EIF5: variants seen among roughly 807,000 people sequenced by gnomAD.
EIF5 encodes the protein eukaryotic translation initiation factor 5.
Under a neutral mutation model 48.3 loss-of-function variants are expected in EIF5, and 10 were observed. The ratio of observed to expected loss-of-function variants is 0.21; its 90% CI spans 0.13 to 0.35. The LOEUF (loss-of-function observed/expected upper bound fraction) is 0.35. EIF5 is among the 10% of genes least tolerant of loss of function. EIF5 has a pLI of 1.00. For missense variants in EIF5, 397 were observed against 533.2 expected (o/e 0.74, Z 2.51); for synonymous variants, 237 against 173.1 (o/e 1.37, Z -2.90).
rs2089364004 is a variant in EIF5, at chr14:103,342,389, CATATT to C, written c.*1340_*1344del. 2 of 152,202 alleles carry C rather than the reference CATATT, an allele frequency of 1.3e-5. No individual in the cohort carries two copies. Among genetic ancestry groups the C allele is most frequent in the African/African-American group, 2.4e-5 (1 of 41,440 alleles). The allele number at this position is 152,202 out of a possible 1,614,324, so 9.4% of individuals were successfully genotyped here. On this transcript the variant is annotated 3_prime_UTR_variant, in exon 12 of 12. Transcript: ENST00000216554. ...ATGAACTCCTTGCCTGATCTAAACT[CATATT>C]ATGGGTTCTGACTGTTTGAGTAATC...
At chr14:103,337,831 A>G (rs757719588) in intron 6 of EIF5, 58 of 509,430 alleles carry the variant, frequency 1.1e-4, no homozygotes, top group Non-Finnish European at 2.1e-4. Context: ...GGCCCCCTTC[A>G]TTAAACTTGA....
rs1285011978 is a variant in EIF5 at position 103,342,311 on chromosome 14, C to CA, written c.*1260dup. On this transcript the variant is annotated 3_prime_UTR_variant, in exon 12 of 12. Transcript: ENST00000216554. Reference sequence around the variant, plus strand: ...CTGAGTGCAGGTGACAAGGACCTGACAGAGCCCATGCAGGGCTTTAGATTT... The same window carrying CA: ...CTGAGTGCAGGTGACAAGGACCTGACAAGAGCCCATGCAGGGCTTTAGATTT... The CA allele has an allele frequency of 6.6e-6, 1 of 152,192 alleles. No individual in the cohort carries two copies. Among genetic ancestry groups the CA allele is most frequent in the East Asian group, 1.9e-4 (1 of 5,196 alleles). The allele number at this position is 152,192 out of a possible 1,614,324, so 9.4% of individuals were successfully genotyped here. A position where few individuals can be genotyped will look rare whatever the true frequency, so the allele number is the denominator to read the frequency against.
rs570153464 is a variant in EIF5, at chr14:103,344,743, CAATT to C, written c.*3694_*3697del. On this transcript the variant is annotated 3_prime_UTR_variant, in exon 12 of 12. Coordinates refer to ENST00000216554, the MANE Select transcript of EIF5 (RefSeq NM_001969.5). Reference sequence around the variant, plus strand: ...CAAGTCTTTAGGAGAGTAGAAAACACAATTAACTAAAAAGCAGGGACATCTGAAA... The same window carrying C: ...CAAGTCTTTAGGAGAGTAGAAAACACAACTAAAAAGCAGGGACATCTGAAA... The C allele has an allele frequency of 2.7e-4, 41 of 152,126 alleles. No homozygotes were observed. Among genetic ancestry groups the C allele is most frequent in the East Asian group, 5.8e-4 (3 of 5,188 alleles). The allele number at this position is 152,126 out of a possible 1,614,324, so 9.4% of individuals were successfully genotyped here. A position where few individuals can be genotyped will look rare whatever the true frequency, so the allele number is the denominator to read the frequency against.
At position 103,334,752 on chromosome 14, in the gene EIF5, C is replaced by G. The variant is rs934355132; in HGVS notation, c.-209+155C>G. 8 of 148,048 alleles carry G rather than the reference C, an allele frequency of 5.4e-5. No individual in the cohort carries two copies. In the South Asian group the frequency reaches 1.4e-3, roughly 27 times the overall value. The allele number at this position is 148,048 out of a possible 1,614,324, so 9.2% of individuals were successfully genotyped here. ...GCCCCCTCCCCGCGCGCTCCCCGGCCCGGCCTCGCCCCCTCCCCGGCATGG... is the reference window on the plus strand; with the variant it reads ...GCCCCCTCCCCGCGCGCTCCCCGGCGCGGCCTCGCCCCCTCCCCGGCATGG... On this transcript the variant is annotated intron_variant, in intron 2 of 11. Transcript: ENST00000216554.
chr14:103,344,188 CAG>C lies in EIF5; in HGVS notation c.*3139_*3140del, dbSNP rs1414471071. On this transcript the variant is annotated 3_prime_UTR_variant, in exon 12 of 12. Transcript: ENST00000216554. ...GTAGTCTCATTGTAGGTTTGTGCAC[CAG>C]AGTGACCCTGTGAGCCTTTGTTAAT... is the stretch of plus-strand genomic sequence containing the variant. The C allele has an allele frequency of 2.0e-5, 3 of 152,166 alleles. No homozygotes were observed. Among genetic ancestry groups the C allele is most frequent in the African/African-American group, 7.2e-5 (3 of 41,416 alleles). 9.4% of individuals were successfully genotyped at this position (152,166 alleles called of 1,614,324 possible).
intron 4 of EIF5, chr14:103,336,358 G>A (rs142133866): frequency 0.017 from 9,622 of 580,998 alleles, 119 homozygotes; most frequent in Non-Finnish European, 0.022. Context: ...TGAGGCAAGC[G>A]GATCGCGAGG....
chr14:103,339,631 A>G lies in EIF5; in HGVS notation c.907-8A>G. 3.7e-6 allele frequency: 6 copies of G among 1,614,100 alleles called. No homozygotes were observed. The highest frequency in any genetic ancestry group is 2.2e-5 in the South Asian group (2 of 91,082). ...AAAGATTGTTAACACCAAGGTGTCTATTTGCAGTTTTGTCACAACAACAAA... is the reference window on the plus strand; with the variant it reads ...AAAGATTGTTAACACCAAGGTGTCTGTTTGCAGTTTTGTCACAACAACAAA... On this transcript the variant is annotated splice_polypyrimidine_tract_variant and splice_region_variant and intron_variant, in intron 9 of 11. Transcript: ENST00000216554.
chr14:103,339,085 AT>A lies in EIF5; in HGVS notation c.745-86del, dbSNP rs1387433766. 8.3e-5 allele frequency: 126 copies of A among 1,510,666 alleles called. 1 individual carries two copies. The East Asian group carries it at 2.9e-3, about 34-fold the overall frequency. The allele number at this position is 1,510,666 out of a possible 1,614,324, so 93.6% of individuals were successfully genotyped here. A position where few individuals can be genotyped will look rare whatever the true frequency, so the allele number is the denominator to read the frequency against. The stretch of plus-strand genomic sequence containing the variant: ...AACTGCCAAATTAGGCAGGAAAAAT[AT>A]GTTCATCAGAGCAGGGACTGGCTGG... On this transcript the variant is annotated intron_variant, in intron 8 of 11. Transcript: ENST00000216554.
chr14:103,338,657 C>T, intron 7 of EIF5, 78 bp from the exon 8 acceptor site: 1 of 1,560,466 alleles, frequency 6.4e-7, no homozygotes, highest in Non-Finnish European at 8.7e-7. Context: ...GACTTGATGC[C>T]ATTAACTTGG....
At chr14:103,338,976 T>C in intron 8 of EIF5, 83 bp downstream of exon 8, 1 of 1,535,638 alleles carries the variant, frequency 6.5e-7, no homozygotes, top group South Asian at 1.3e-5. Context: ...AGCAGTGTAA[T>C]TAGGATTACT....
In EIF5 at chr14:103,338,906, C is replaced by T. The variant is rs753724160; in HGVS notation, c.744+13C>T. 24 of 1,611,422 alleles carry T rather than the reference C, an allele frequency of 1.5e-5. No homozygotes were observed. The Admixed American group carries it at 2.5e-4, about 17-fold the overall frequency. On this transcript the variant is annotated intron_variant, in intron 8 of 11. Coordinates refer to ENST00000216554, the MANE Select transcript of EIF5 (RefSeq NM_001969.5). ...TGATTTTGTTAAGGTAAAACATTTG[C>T]TTGGTCTGTAAATCAGCTTCAACCC...
chr14:103,339,412 T>G, intron 9 of EIF5, 79 bp downstream of exon 9: 2 of 1,513,970 alleles, frequency 1.3e-6, no homozygotes, highest in Non-Finnish European at 1.8e-6. Flanking sequence ...CACTTTTGCT[T>G]GTCCTGTCAT....
In EIF5 at chr14:103,341,106, A is replaced by T. The variant is rs1478750263; in HGVS notation, c.*54A>T. On this transcript the variant is annotated 3_prime_UTR_variant, in exon 12 of 12. Transcript: ENST00000216554. ...ATAATGCTGCAAATTTTCCTCCATT[A>T]TCAGCCAGAAGTGCAACATGTATGT... is the stretch of plus-strand genomic sequence containing the variant. 6.4e-7 allele frequency: 1 copy of T among 1,553,216 alleles called. No individual in the cohort carries two copies.
intron 6 of EIF5, chr14:103,338,026 G>C: frequency 1.8e-6 from 1 of 567,162 alleles, no homozygotes; most frequent in East Asian, 3.9e-5. Flanking sequence ...GTTCATGAGG[G>C]ATGACAGGGA....
At chr14:103,336,437 C>T (rs1388818882) in intron 4 of EIF5, 3 of 555,378 alleles carry the variant, frequency 5.4e-6, no homozygotes, top group South Asian at 2.3e-5. Context: ...AAAAATTAGC[C>T]AGGCGTGGTG....
rs965860517 is a variant in EIF5, at chr14:103,336,574, C to G, written c.155-103C>G. ...CCAGCCTGGGTGACAGAGTGAGACTCTTGTCTCAAAAAAAAAAAAAAAGTG... is the reference window on the plus strand; with the variant it reads ...CCAGCCTGGGTGACAGAGTGAGACTGTTGTCTCAAAAAAAAAAAAAAAGTG... On this transcript the variant is annotated intron_variant, in intron 4 of 11. Coordinates refer to ENST00000216554, the MANE Select transcript of EIF5 (RefSeq NM_001969.5). The G allele has an allele frequency of 1.5e-5, 19 of 1,245,362 alleles. No homozygotes were observed. The African/African-American group carries it at 2.5e-4, about 16-fold the overall frequency. 77.1% of individuals were successfully genotyped at this position (1,245,362 alleles called of 1,614,324 possible).
At chr14:103,337,484 C>G (rs753546438) in intron 6 of EIF5, 6 of 454,224 alleles carry the variant, frequency 1.3e-5, no homozygotes, top group Non-Finnish European at 2.3e-5. Flanking sequence ...CTCCTGTAAT[C>G]CCAGCTACTC....
intron 5 of EIF5, 28 bp from the exon 6 acceptor site, chr14:103,337,088 T>C (rs758106558): frequency 1.3e-6 from 2 of 1,575,156 alleles, no homozygotes; most frequent in Non-Finnish European, 8.7e-7. Context: ...TGTTATATTA[T>C]GGATAACATT....
rs746546379 is a variant in EIF5, at chr14:103,339,153, GTTTTCC to G, written c.745-13_745-8del. On this transcript the variant is annotated splice_polypyrimidine_tract_variant and intron_variant, in intron 8 of 11. Transcript: ENST00000216554. ...AAGTGTGCCTCCATTGCACTGAATTGTTTTCCTTTTCTTTGCAGAAAAAGAAAGAAG... is the reference window on the plus strand; with the variant it reads ...AAGTGTGCCTCCATTGCACTGAATTGTTTTCTTTGCAGAAAAAGAAAGAAG... The G allele has an allele frequency of 1.3e-6, 2 of 1,599,420 alleles. No individual in the cohort carries two copies. The highest frequency in any genetic ancestry group is 1.7e-6 in the Non-Finnish European group (2 of 1,175,398).
Sources: gnomAD v4.1 joint callset for allele counts on GRCh38, gnomAD v4.1.1 for gene constraint, MANE v1.5 for transcripts, NCBI Gene and HGNC (gene_info 2026-07-23, HGNC 2026-07-21) for gene names.